Variants in CTNND1 observed in about 807,000 individuals in gnomAD.
CTNND1 encodes the protein catenin delta 1.
Under a neutral mutation model 112.1 loss-of-function variants are expected in CTNND1, and 16 were observed. The observed-to-expected ratio is 0.14, with a 90% CI of 0.10 to 0.22. CTNND1 has a LOEUF of 0.22. Ranked by LOEUF, CTNND1 falls within the 10% of genes least tolerant of loss-of-function variation. The pLI is 1.00. For synonymous variants in CTNND1, 420 were observed against 446.5 expected (o/e 0.94, Z 0.75); for missense variants, 1,008 against 1,257.0 (o/e 0.80, Z 3.00).
chr11:57,808,476 G>A lies in CTNND1; in HGVS notation c.2178G>A (p.Val726=). The A allele has an allele frequency of 1.2e-6, 2 of 1,612,702 alleles. No homozygotes were observed. Among genetic ancestry groups the A allele is most frequent in the Non-Finnish European group, 1.7e-6 (2 of 1,179,432 alleles). ...TCCTGACTAATGAACATGAACGGGT[G>A]GTGAAAGCTGCATCTGGAGCACTGA... is the stretch of plus-strand genomic sequence containing the variant. The part of the protein sequence containing the change: ...ADLLTNEHER[V]VKAASGALRN... The change falls in exon 14 of 21, where the codon GTG becomes GTA. Residue 726 remains valine, a synonymous_variant. Transcript: ENST00000399050.
At chr11:57,795,031 C>CA (rs966782198) in intron 4 of CTNND1, among the ~76,000 whole-genome samples, 3 of 151,260 alleles carry the variant, frequency 2.0e-5, no homozygotes, top group African/African-American at 7.3e-5. Context: ...CCTGTCTCTA[C>CA]AAAAAAAATA....
At position 57,818,004 on chromosome 11, in the gene CTNND1, AC is replaced by A. The variant is rs1239109995; in HGVS notation, c.*1697del. 6.6e-6 allele frequency: 1 copy of A among 151,604 alleles called. No homozygotes were observed. Among genetic ancestry groups the A allele is most frequent in the Non-Finnish European group, 1.5e-5 (1 of 67,824 alleles). The allele number at this position is 151,604 out of a possible 1,614,324, so 9.4% of individuals were successfully genotyped here. On this transcript the variant is annotated 3_prime_UTR_variant, in exon 21 of 21. Coordinates refer to ENST00000399050, the MANE Select transcript of CTNND1 (RefSeq NM_001085458.2). The stretch of plus-strand genomic sequence containing the variant: ...AAGTGCACAACCCACCACCCCCTTT[AC>A]TCGTGCATTAAAATTTCTTATTTAC...
intron 11 of CTNND1, 171 bp from the exon 12 acceptor site, chr11:57,806,744 T>G: frequency 1.6e-6 from 1 of 645,062 alleles, no homozygotes; most frequent in Non-Finnish European, 2.7e-6. Flanking sequence ...TTTTCTATCC[T>G]TGTTTCTGAA....
At chr11:57,767,367 C>T (rs919760689) in intron 1 of CTNND1, among the ~76,000 whole-genome samples, 1 of 152,216 alleles carries the variant, frequency 6.6e-6, no homozygotes, top group Non-Finnish European at 1.5e-5. Flanking sequence ...GACAAAAGCA[C>T]TTCTCAACTT....
chr11:57,815,830 C>A (rs1189782031), intron 19 of CTNND1, 85 bp from the exon 20 acceptor site: 8 of 1,210,418 alleles, frequency 6.6e-6, no homozygotes, highest in Admixed American at 2.4e-5. Flanking sequence ...TTTGAGTTTA[C>A]AAATTTTCAG....
intron 1 of CTNND1, among the ~76,000 whole-genome samples, chr11:57,774,065 C>T (rs1304564974): frequency 6.6e-6 from 1 of 152,148 alleles, no homozygotes; most frequent in African/African-American, 2.4e-5. Flanking sequence ...CACATGTTTA[C>T]TTGTGGGAAT....
intron 12 of CTNND1, among the ~76,000 whole-genome samples, chr11:57,807,537 C>T (rs796201600): frequency 6.9e-5 from 9 of 129,984 alleles, no homozygotes; most frequent in South Asian, 2.5e-4. Flanking sequence ...ATCTGGGAAG[C>T]GGAGGTTGCA....
rs375728650 is a variant in CTNND1, at chr11:57,806,873, A to G, written c.1895-42A>G. The G allele has an allele frequency of 8.0e-6, 12 of 1,496,354 alleles. No homozygotes were observed. In the East Asian group the frequency reaches 1.2e-4, roughly 15 times the overall value. The allele number at this position is 1,496,354 out of a possible 1,614,324, so 92.7% of individuals were successfully genotyped here. ...TGCCAGGTGGAATCTTTTCTTTTTTAAACTGGCTTACCCCTTTTCCCGCCC... is the reference window on the plus strand; with the variant it reads ...TGCCAGGTGGAATCTTTTCTTTTTTGAACTGGCTTACCCCTTTTCCCGCCC... On this transcript the variant is annotated intron_variant, in intron 11 of 20. Transcript: ENST00000399050.
At chr11:57,793,807 A>G (rs1332118684) in intron 3 of CTNND1, among the ~76,000 whole-genome samples, 1 of 152,198 alleles carries the variant, frequency 6.6e-6, no homozygotes, top group African/African-American at 2.4e-5. Flanking sequence ...CCTGTCTGCC[A>G]GAGTTCCAGG....
At position 57,815,408 on chromosome 11, in the gene CTNND1, A is replaced by T; in HGVS notation, c.2716A>T (p.Thr906Ser). ...NTKSLDNNYS[T>S]PNERGDHNRT... Reference sequence around the variant, plus strand: ...TTTTTAACCAGATAACAACTATTCCACACCAAATGAGAGAGGAGACCACAA... The same window carrying T: ...TTTTTAACCAGATAACAACTATTCCTCACCAAATGAGAGAGGAGACCACAA... The change falls in exon 19 of 21, where the codon ACA becomes TCA. Residue 906 changes from threonine (T) to serine (S), a missense_variant. By Grantham distance (58) the Thr-to-Ser change is moderately conservative (BLOSUM62 1). Coordinates refer to ENST00000399050, the MANE Select transcript of CTNND1 (RefSeq NM_001085458.2). The T allele has an allele frequency of 5.0e-6, 8 of 1,596,850 alleles. No individual in the cohort carries two copies. Among genetic ancestry groups the T allele is most frequent in the Non-Finnish European group, 6.8e-6 (8 of 1,174,094 alleles).
At position 57,804,502 on chromosome 11, in the gene CTNND1, C is replaced by G. The variant is rs11570200; in HGVS notation, c.1605-161C>G. On this transcript the variant is annotated intron_variant, in intron 8 of 20. Coordinates refer to ENST00000399050, the MANE Select transcript of CTNND1 (RefSeq NM_001085458.2). ...GATATAAACATTCAGAAGGCAGGGA[C>G]TGTTAATCAACTTTCTCTCAACTGC... 2.4e-4 allele frequency among the ~76,000 whole-genome samples: 37 copies of G among 152,258 alleles called. No homozygotes were observed. In the East Asian group the frequency reaches 2.7e-3, roughly 11 times the overall value.
At position 57,791,490 on chromosome 11, in the gene CTNND1, AGAGGT is replaced by A; in HGVS notation, c.14_18del (p.Glu5GlyfsTer18). 1 of 1,546,104 alleles carries A rather than the reference AGAGGT, an allele frequency of 6.5e-7. No individual in the cohort carries two copies. The highest frequency in any genetic ancestry group is 8.7e-7 in the Non-Finnish European group (1 of 1,145,108). Reference sequence around the variant, plus strand: ...CGCCCCTTACCTTCATGGACGACTCAGAGGTGGAGTCGACCGCCAGCATCTTGGCC... The same window carrying A: ...CGCCCCTTACCTTCATGGACGACTCAGGAGTCGACCGCCAGCATCTTGGCC... On this transcript the variant is annotated frameshift_variant, in exon 3 of 21. Coordinates refer to ENST00000399050, the MANE Select transcript of CTNND1 (RefSeq NM_001085458.2). LOFTEE classifies it high-confidence loss of function.
At chr11:57,779,233 G>T (rs992869297) in intron 1 of CTNND1, among the ~76,000 whole-genome samples, 1 of 152,140 alleles carries the variant, frequency 6.6e-6, no homozygotes, top group African/African-American at 2.4e-5. Context: ...ATACAGATCA[G>T]GAGAAACCTA....
At chr11:57,764,052 G>A (rs1031164117) in intron 1 of CTNND1, 2 of 152,204 alleles carry the variant, frequency 1.3e-5, no homozygotes, top group African/African-American at 2.4e-5. Flanking sequence ...AATTATAAGG[G>A]ATGCAGATAA....
chr11:57,815,197 G>T (rs1446253825), intron 18 of CTNND1, among the ~76,000 whole-genome samples, 197 bp from the exon 19 acceptor site: 1 of 152,102 alleles, frequency 6.6e-6, no homozygotes, highest in Non-Finnish European at 1.5e-5. Context: ...CAAAGTGCTG[G>T]GATTACAGGC....
rs564569662 is a variant in CTNND1, at chr11:57,802,428, C to T, written c.1420+232C>T. 8.5e-5 allele frequency among the ~76,000 whole-genome samples: 13 copies of T among 152,274 alleles called. No homozygotes were observed. In the South Asian group the frequency reaches 2.7e-3, roughly 32 times the overall value. On this transcript the variant is annotated intron_variant, in intron 7 of 20. Coordinates refer to ENST00000399050, the MANE Select transcript of CTNND1 (RefSeq NM_001085458.2). ...TTCACTTAAAATTCCAGATTCTTGGCTTCTATTAAAAACGTGGAAGAGTTG... is the reference window on the plus strand; with the variant it reads ...TTCACTTAAAATTCCAGATTCTTGGTTTCTATTAAAAACGTGGAAGAGTTG...
Position 57,765,225 on chromosome 11 carries a change from G to A in CTNND1, c.-214+3106G>A, listed in dbSNP as rs375961950. On this transcript the variant is annotated intron_variant, in intron 1 of 20. Coordinates refer to ENST00000399050, the MANE Select transcript of CTNND1 (RefSeq NM_001085458.2). Reference sequence around the variant, plus strand: ...TCCCTCTAGACTATGAGCAGCTTGGGTGTAGGTACTGTCTTATCTCTGTAT... The same window carrying A: ...TCCCTCTAGACTATGAGCAGCTTGGATGTAGGTACTGTCTTATCTCTGTAT... Among the ~76,000 whole-genome samples the A allele has an allele frequency of 2.0e-4, 30 of 152,238 alleles. No homozygotes were observed. In the South Asian group the frequency reaches 6.0e-3, roughly 30 times the overall value.
At chr11:57,778,818 C>T (rs1365001322) in intron 1 of CTNND1, among the ~76,000 whole-genome samples, 1 of 152,138 alleles carries the variant, frequency 6.6e-6, no homozygotes, top group Non-Finnish European at 1.5e-5. Flanking sequence ...TTGTGGTTCT[C>T]CTGTGAAATC....
intron 1 of CTNND1, among the ~76,000 whole-genome samples, chr11:57,786,285 G>A (rs1246098452): frequency 6.6e-6 from 1 of 150,920 alleles, no homozygotes; most frequent in East Asian, 2.0e-4. Context: ...TGTAATCCCA[G>A]CACTATGGGA....
Sources: allele counts gnomAD v4.1 joint callset (sites outside exome capture counted in the v4.1 genomes callset), GRCh38; gene constraint gnomAD v4.1.1; transcripts MANE v1.5; gene names NCBI Gene and HGNC (gene_info 2026-07-23, HGNC 2026-07-21).